CDKAL1: variants seen among roughly 807,000 people sequenced by gnomAD.
The protein encoded by CDKAL1 is CDKAL1 threonylcarbamoyladenosine tRNA methylthiotransferase, also known as threonylcarbamoyladenosine tRNA methylthiotransferase.
A neutral mutation model predicts 68.2 loss-of-function variants in CDKAL1; 32 were observed. The observed-to-expected ratio is 0.47, with a 90% CI of 0.35 to 0.63. The LOEUF is 0.63. Among genes scored for constraint, CDKAL1 ranks in the 30% least tolerant of loss-of-function variants. CDKAL1 has a pLI of 0.00. For synonymous variants in CDKAL1, 234 were observed against 244.3 expected (o/e 0.96, Z 0.39); for missense variants, 606 against 696.7 (o/e 0.87, Z 1.47).
At chr6:21,070,781 C>G (rs757741587) in intron 12 of CDKAL1, among the ~76,000 whole-genome samples, 17 of 152,178 alleles carry the variant, frequency 1.1e-4, no homozygotes, top group Non-Finnish European at 2.4e-4. Context: ...GATATTTCCT[C>G]TTTATCTGTT....
chr6:20,629,445 G>T (rs568926754), intron 4 of CDKAL1, among the ~76,000 whole-genome samples: 1 of 152,292 alleles, frequency 6.6e-6, no homozygotes, highest in East Asian at 1.9e-4. Flanking sequence ...TTGTGAGGAG[G>T]TTCTTTGAGG....
At chr6:20,752,249 A>T (rs34744837) in intron 6 of CDKAL1, among the ~76,000 whole-genome samples, 60,051 of 150,866 alleles carry the variant, frequency 0.4, 12,108 homozygotes, top group Non-Finnish European at 0.43. Context: ...TTTTTTTTTT[A>T]AATTTTACAG....
intron 13 of CDKAL1, among the ~76,000 whole-genome samples, chr6:21,112,328 A>G (rs2150996618): frequency 6.6e-6 from 1 of 152,370 alleles, no homozygotes; most frequent in East Asian, 1.9e-4. Context: ...TTATTCTAAA[A>G]AATTGAAATG....
At chr6:20,757,269 G>T (rs72832323) in intron 6 of CDKAL1, among the ~76,000 whole-genome samples, 2 of 151,832 alleles carry the variant, frequency 1.3e-5, no homozygotes, top group Non-Finnish European at 2.9e-5. Flanking sequence ...TTTTAAACAG[G>T]TTCCTCTTGT....
chr6:20,623,999 T>A (rs1414976812), intron 4 of CDKAL1, among the ~76,000 whole-genome samples: 1 of 152,106 alleles, frequency 6.6e-6, no homozygotes, highest in African/African-American at 2.4e-5. Context: ...TATGGTTATA[T>A]TTTTTTAAAG....
Position 20,539,719 on chromosome 6 carries a change from A to G in CDKAL1, c.-6+4325A>G, listed in dbSNP as rs545761842. On this transcript the variant is annotated intron_variant, in intron 2 of 15. Transcript: ENST00000274695. The surrounding 1 kb of genome is among the most constrained non-coding windows in gnomAD (Gnocchi z 4.3). ...AGATGCAGCAGGAGGCTGATTATAT[A>G]TGTCATTGCAGATCTTTGTAGTGAT... Among the ~76,000 whole-genome samples, 1 of 152,280 alleles carries G rather than the reference A, an allele frequency of 6.6e-6. No homozygotes were observed. The highest frequency in any genetic ancestry group is 2.1e-4 in the South Asian group (1 of 4,822).
intron 15 of CDKAL1, among the ~76,000 whole-genome samples, chr6:21,223,824 T>C (rs9466002): frequency 0.27 from 40,560 of 152,050 alleles, 6,405 homozygotes; most frequent in African/African-American, 0.43. Flanking sequence ...TTCCTCCCCA[T>C]TTTCTTAGGA....
At chr6:20,751,843 ATTTAT>A (rs1773935704) in intron 6 of CDKAL1, among the ~76,000 whole-genome samples, 1 of 152,116 alleles carries the variant, frequency 6.6e-6, no homozygotes, top group South Asian at 2.1e-4. Context: ...ATACTGTTTT[ATTTAT>A]TTTATTTGAA....
In CDKAL1 at chr6:21,082,856, T is replaced by C. The variant is rs186980330; in HGVS notation, c.1236+17628T>C. On this transcript the variant is annotated intron_variant, in intron 12 of 15. Coordinates refer to ENST00000274695, the MANE Select transcript of CDKAL1 (RefSeq NM_017774.3). ...ATGCGAACTAAGTCTGAACGTGAAA[T>C]TCATTTATGTTTCTTTTGTTTTTTT... 1.4e-3 allele frequency among the ~76,000 whole-genome samples: 213 copies of C among 150,486 alleles called. 2 individuals carry two copies. Among genetic ancestry groups the C allele is most frequent in the Admixed American group, 0.013 (200 of 14,900 alleles).
At position 21,195,732 on chromosome 6, in the gene CDKAL1, A is replaced by G. The variant is rs568672230; in HGVS notation, c.1300-2289A>G. 6.7e-5 allele frequency among the ~76,000 whole-genome samples: 10 copies of G among 149,652 alleles called. No homozygotes were observed. In the South Asian group the frequency reaches 1.9e-3, roughly 29 times the overall value. Reference sequence around the variant, plus strand: ...TGCCATGTTACCCAGGCGGTCTCAAACTCCTGGACTCAAGTGATCTGCCCA... The same window carrying G: ...TGCCATGTTACCCAGGCGGTCTCAAGCTCCTGGACTCAAGTGATCTGCCCA... On this transcript the variant is annotated intron_variant, in intron 13 of 15. Coordinates refer to ENST00000274695, the MANE Select transcript of CDKAL1 (RefSeq NM_017774.3).
chr6:20,943,359 GAAAA>G (rs1764087046), intron 9 of CDKAL1, among the ~76,000 whole-genome samples: 2 of 138,456 alleles, frequency 1.4e-5, no homozygotes, highest in African/African-American at 2.8e-5. Context: ...AAGAAAAAAA[GAAAA>G]AAAAAGTAAT....
chr6:20,672,324 TTC>T (rs1290992871), intron 5 of CDKAL1, among the ~76,000 whole-genome samples: 1 of 149,670 alleles, frequency 6.7e-6, no homozygotes, highest in Non-Finnish European at 1.5e-5. Context: ...CTCCGTCTCT[TTC>T]TCTCTCTGTC....
chr6:21,176,696 G>GTTTTTTTTTTTT (rs1169908107), intron 13 of CDKAL1, among the ~76,000 whole-genome samples: 2 of 100,522 alleles, frequency 2.0e-5, no homozygotes, highest in Non-Finnish European at 4.1e-5. Context: ...TTTTTTTTTT[G>GTTTTTTTTTTTT]TTTTTTTTTT....
rs1408788175 is a variant in CDKAL1 at position 21,010,959 on chromosome 6, G to A, written c.1055+10587G>A. On this transcript the variant is annotated intron_variant, in intron 11 of 15. Coordinates refer to ENST00000274695, the MANE Select transcript of CDKAL1 (RefSeq NM_017774.3). ...TAGCTGGGCATGGTGGCGGGCACCT[G>A]TAGTTCCAGCTACTTGGGAGGCTGA... Among the ~76,000 whole-genome samples, 5 of 151,696 alleles carry A rather than the reference G, an allele frequency of 3.3e-5. No homozygotes were observed. In the South Asian group the frequency reaches 6.3e-4, roughly 19 times the overall value.
intron 11 of CDKAL1, among the ~76,000 whole-genome samples, 161 bp downstream of exon 11, chr6:21,000,533 G>GT (rs67568908): frequency 0.19 from 29,489 of 152,138 alleles, 3,727 homozygotes; most frequent in East Asian, 0.45. Context: ...CTTTGATGTG[G>GT]TTTTTTCTTT....
At chr6:20,935,143 C>G (rs1057191761) in intron 9 of CDKAL1, among the ~76,000 whole-genome samples, 3 of 152,156 alleles carry the variant, frequency 2.0e-5, no homozygotes, top group Non-Finnish European at 4.4e-5. Context: ...ATCCGCCTGC[C>G]TTGGCCTCCC....
In CDKAL1 at chr6:20,877,423, C is replaced by G. The variant is rs576742602; in HGVS notation, c.742+31245C>G. Among the ~76,000 whole-genome samples, 132 of 152,282 alleles carry G rather than the reference C, an allele frequency of 8.7e-4. 1 individual carries two copies. The highest frequency in any genetic ancestry group is 3.0e-3 in the African/African-American group (126 of 41,568). On this transcript the variant is annotated intron_variant, in intron 9 of 15. Coordinates refer to ENST00000274695, the MANE Select transcript of CDKAL1 (RefSeq NM_017774.3). The stretch of plus-strand genomic sequence containing the variant: ...CTTTGTCCAAACTTGCTGTCCTGTT[C>G]CTGTTTTCACAGAAACTTCAGGTGT...
At chr6:20,955,633 C>G in intron 10 of CDKAL1, 48 bp downstream of exon 10, 1 of 1,548,650 alleles carries the variant, frequency 6.5e-7, no homozygotes, top group Non-Finnish European at 8.8e-7. Context: ...ACTAACCAGT[C>G]CAGACAGTGT....
At chr6:20,909,984 C>A (rs1443460476) in intron 9 of CDKAL1, among the ~76,000 whole-genome samples, 1 of 152,186 alleles carries the variant, frequency 6.6e-6, no homozygotes, top group Non-Finnish European at 1.5e-5. Flanking sequence ...TTGTAGTTAT[C>A]TAGTCATTTC....
Sources: allele counts gnomAD v4.1 joint callset (sites outside exome capture counted in the v4.1 genomes callset), GRCh38; gene constraint gnomAD v4.1.1; non-coding constraint Gnocchi (gnomAD v3.1); transcripts MANE v1.5; gene names NCBI Gene and HGNC (gene_info 2026-07-23, HGNC 2026-07-21).